CTNNA2: variants seen among roughly 807,000 people sequenced by gnomAD.
CTNNA2 encodes the protein catenin alpha 2, also known as catenin alpha-2.
CTNNA2 carries 42 observed loss-of-function variants against 101.0 expected under a neutral mutation model. That is an observed-to-expected ratio of 0.42 (90% CI 0.32 to 0.54). The LOEUF (loss-of-function observed/expected upper bound fraction) is 0.54, where lower values mean the gene tolerates loss of function less well. Among genes scored for constraint, CTNNA2 ranks in the 20% least tolerant of loss-of-function variants. CTNNA2 has a pLI of 0.14. For missense variants in CTNNA2, 871 were observed against 1,223.1 expected, an observed-to-expected ratio of 0.71 and a Z score of 4.29; for synonymous variants, 450 against 456.4, an observed-to-expected ratio of 0.99 and a Z score of 0.18.
At chr2:80,193,086 A>G (rs1223982788) in intron 7 of CTNNA2, among the ~76,000 whole-genome samples, 1 of 152,184 alleles carries the variant, frequency 6.6e-6, no homozygotes, top group Non-Finnish European at 1.5e-5. Context: ...TTTTGTTTAT[A>G]TGCTTTCATA....
intron 7 of CTNNA2, among the ~76,000 whole-genome samples, chr2:79,929,638 A>C (rs1687254671): frequency 6.6e-6 from 1 of 152,216 alleles, no homozygotes; most frequent in African/African-American, 2.4e-5. Context: ...AATTTTCTAG[A>C]CATGCATCTG....
At chr2:80,148,156 G>C (rs1172265316) in intron 7 of CTNNA2, among the ~76,000 whole-genome samples, 1 of 152,038 alleles carries the variant, frequency 6.6e-6, no homozygotes, top group African/African-American at 2.4e-5. Flanking sequence ...TCTATTTTCA[G>C]TTGAGTTGGT....
chr2:79,650,402 C>T (rs992474009), intron 1 of CTNNA2, among the ~76,000 whole-genome samples: 19 of 151,898 alleles, frequency 1.3e-4, no homozygotes, highest in East Asian at 3.9e-4. Flanking sequence ...TTGAAGATGT[C>T]TTTCATATTT....
At chr2:79,690,432 TC>T (rs1189564672) in intron 2 of CTNNA2, among the ~76,000 whole-genome samples, 1 of 152,086 alleles carries the variant, frequency 6.6e-6, no homozygotes, top group Non-Finnish European at 1.5e-5. Context: ...AGGAAATACT[TC>T]CAGCTTCATC....
At chr2:79,332,656 A>G (rs183115646) in intron 3 of CTNNA2, among the ~76,000 whole-genome samples, 80 of 152,342 alleles carry the variant, frequency 5.3e-4, no homozygotes, top group African/African-American at 1.9e-3. Context: ...GGGCTAAACA[A>G]TTAGAGTGTT....
chr2:80,172,028 G>A (rs1705092943), intron 7 of CTNNA2, among the ~76,000 whole-genome samples: 1 of 152,150 alleles, frequency 6.6e-6, no homozygotes, highest in Non-Finnish European at 1.5e-5. Context: ...TGCATGTAAA[G>A]CAGCAAGGGA....
intron 3 of CTNNA2, among the ~76,000 whole-genome samples, chr2:79,828,070 G>A (rs114025874): frequency 0.01 from 1,575 of 152,072 alleles, 34 homozygotes; most frequent in African/African-American, 0.036. Flanking sequence ...AATATATTGC[G>A]AAATAGAGTA....
intron 2 of CTNNA2, among the ~76,000 whole-genome samples, chr2:79,214,486 C>T (rs1302458012): frequency 3.9e-5 from 6 of 152,066 alleles, no homozygotes; most frequent in African/African-American, 1.2e-4. Flanking sequence ...AGTTTATAGG[C>T]TTTAAAAGGC....
chr2:80,086,895 G>A (rs1699473618), intron 7 of CTNNA2, among the ~76,000 whole-genome samples: 1 of 151,988 alleles, frequency 6.6e-6, no homozygotes, highest in Admixed American at 6.6e-5. Context: ...ACCACTGGGA[G>A]GCCGCAGTTA....
chr2:80,002,622 A>G (rs2103968258), intron 7 of CTNNA2, among the ~76,000 whole-genome samples: 1 of 151,730 alleles, frequency 6.6e-6, no homozygotes, highest in South Asian at 2.1e-4. Flanking sequence ...GGTGGGCTGT[A>G]GTGGAGAGAA....
chr2:80,389,592 A>T (rs1013116465), intron 7 of CTNNA2, among the ~76,000 whole-genome samples: 2 of 152,172 alleles, frequency 1.3e-5, no homozygotes, highest in African/African-American at 4.8e-5. Flanking sequence ...CCACATTTAG[A>T]CATACAGAGC....
At chr2:79,597,555 T>C (rs1434978372) in intron 1 of CTNNA2, among the ~76,000 whole-genome samples, 1 of 152,036 alleles carries the variant, frequency 6.6e-6, no homozygotes, top group Admixed American at 6.5e-5. Context: ...CCGTGATAGA[T>C]CTGAAAGGAG....
chr2:79,556,103 CA>C (rs1674428246), intron 1 of CTNNA2, among the ~76,000 whole-genome samples: 2 of 151,992 alleles, frequency 1.3e-5, no homozygotes, highest in African/African-American at 2.4e-5. Flanking sequence ...TATCCTCCTC[CA>C]TATAAATTGA....
intron 7 of CTNNA2, among the ~76,000 whole-genome samples, chr2:80,231,954 A>G (rs997346192): frequency 6.6e-6 from 1 of 152,108 alleles, no homozygotes; most frequent in African/African-American, 2.4e-5. Context: ...ATGAGATTTT[A>G]TCTACATAAT....
At chr2:79,545,818 TTAGA>T (rs1224473310) in intron 1 of CTNNA2, among the ~76,000 whole-genome samples, 1 of 152,216 alleles carries the variant, frequency 6.6e-6, no homozygotes, top group Non-Finnish European at 1.5e-5. Context: ...CAAGCTTAAA[TTAGA>T]TAGGAGCAAT....
intron 7 of CTNNA2, among the ~76,000 whole-genome samples, chr2:80,212,919 A>G (rs995859884): frequency 5.3e-5 from 8 of 152,158 alleles, no homozygotes; most frequent in African/African-American, 1.9e-4. Flanking sequence ...CAGGGATTCA[A>G]CTTCTTCCTG....
At chr2:79,556,208 C>A (rs939409343) in intron 1 of CTNNA2, among the ~76,000 whole-genome samples, 2 of 151,892 alleles carry the variant, frequency 1.3e-5, no homozygotes, top group African/African-American at 4.8e-5. Context: ...TTATATTGAA[C>A]CCTCTTTATT....
At chr2:80,049,980 C>T (rs1000228691) in intron 7 of CTNNA2, among the ~76,000 whole-genome samples, 2 of 152,158 alleles carry the variant, frequency 1.3e-5, no homozygotes, top group Admixed American at 1.3e-4. Flanking sequence ...TCTCAGTCAC[C>T]TGCTACCAGG....
intron 7 of CTNNA2, among the ~76,000 whole-genome samples, chr2:80,088,953 C>T (rs898331532): frequency 6.6e-6 from 1 of 151,902 alleles, no homozygotes; most frequent in Non-Finnish European, 1.5e-5. Flanking sequence ...TTATAATAGA[C>T]AACAGCAAAT....
Sources: gnomAD v4.1 joint callset for allele counts (sites outside exome capture counted in the v4.1 genomes callset) on GRCh38, gnomAD v4.1.1 for gene constraint, MANE v1.5 for transcripts, NCBI Gene and HGNC (gene_info 2026-07-23, HGNC 2026-07-21) for gene names.